Variants in CT55 observed in about 807,000 individuals in gnomAD.
The protein encoded by CT55 is cancer/testis antigen 55.
In CT55, 1 loss-of-function variant was observed where a neutral mutation model predicts 12.6. The observed-to-expected ratio is 0.08, with a 90% CI of 0.03 to 0.38. The LOEUF (loss-of-function observed/expected upper bound fraction) is 0.38. CT55 is among the 10% of genes least tolerant of loss of function. The pLI is 0.99. For missense variants in CT55, 109 were observed against 135.4 expected, an observed-to-expected ratio of 0.80 and a Z score of 0.97; for synonymous variants, 43 against 49.7, an observed-to-expected ratio of 0.87 and a Z score of 0.57.
intron 3 of CT55, 107 bp downstream of exon 3, chrX:135,160,304 T>C (rs1415611451): frequency 3.7e-6 from 3 of 811,372 alleles, no homozygotes; most frequent in East Asian, 7.2e-5. Flanking sequence ...CCTCTAACAC[T>C]GAAGAGCCAT....
At position 135,171,093 on chromosome X, in the gene CT55, G is replaced by C; in HGVS notation, c.79C>G (p.Gln27Glu). The C allele has an allele frequency of 8.3e-7, 1 of 1,211,653 alleles. No individual in the cohort carries two copies. The highest frequency in any genetic ancestry group is 1.1e-6 in the Non-Finnish European group (1 of 895,351). Residue 27 changes from glutamine (Q) to glutamate (E), a missense_variant, in exon 1 of 6, where the codon CAG becomes GAG. Coordinates refer to ENST00000276241, the MANE Select transcript of CT55 (RefSeq NM_001031705.3). ...DPAERQGPQQ[Q>E]GLPQGDTQLT... The stretch of plus-strand genomic sequence containing the variant: ...AGAGGAATACCTTGTGGGAGGCCCT[G>C]CTGCTGTGGGCCCTGTCGCTCTGCA...
At chrX:135,166,047 A>C (rs1219314928) in intron 2 of CT55, among the ~76,000 whole-genome samples, 8 of 101,014 alleles carry the variant, frequency 7.9e-5, no homozygotes, top group African/African-American at 2.8e-4. Context: ...AAAAAAAAAA[A>C]AAAAAAAAAA....
At chrX:135,160,803 A>T (rs2083559297) in intron 2 of CT55, among the ~76,000 whole-genome samples, 1 of 112,002 alleles carries the variant, frequency 8.9e-6, no homozygotes, top group South Asian at 3.7e-4. Flanking sequence ...GTACCATTAG[A>T]TTCCAAGATT....
At chrX:135,170,960 T>C in intron 1 of CT55, 118 bp downstream of exon 1, 2 of 1,093,538 alleles carry the variant, frequency 1.8e-6, no homozygotes, top group Non-Finnish European at 1.2e-6. Context: ...ACGCACAAGA[T>C]GGAGCCACCG....
chrX:135,165,576 C>G (rs1200437825), intron 2 of CT55, among the ~76,000 whole-genome samples: 2 of 110,723 alleles, frequency 1.8e-5, no homozygotes, highest in African/African-American at 6.6e-5. Context: ...TCATAAAGGT[C>G]AGAGCAGAAA....
At position 135,169,756 on chromosome X, in the gene CT55, C is replaced by T. The variant is rs782122552; in HGVS notation, c.117G>A (p.Val39=). The T allele has an allele frequency of 1.1e-5, 13 of 1,197,757 alleles. No individual in the cohort carries two copies. Among genetic ancestry groups the T allele is most frequent in the Non-Finnish European group, 1.5e-5 (13 of 888,517 alleles). ...LPQGDTQLTT[V]QGVVTSFCGD... is the part of the protein sequence containing the mutation. The stretch of plus-strand genomic sequence containing the variant: ...CACAGAAACTTGTGACAACTCCCTG[C>T]ACAGTTGTCAACTGGGTGTCACCTA... The change falls in exon 2 of 6, where the codon GTG becomes GTA. Residue 39 remains valine (V), a synonymous_variant. Transcript: ENST00000276241.
intron 1 of CT55, 111 bp downstream of exon 1, chrX:135,170,967 A>C: frequency 9.1e-7 from 1 of 1,100,131 alleles, no homozygotes; most frequent in East Asian, 3.2e-5. Flanking sequence ...AGATGGAGCC[A>C]CCGTCACGTG....
In CT55 at chrX:135,171,240, G is replaced by C; in HGVS notation, c.-69C>G. On this transcript the variant is annotated 5_prime_UTR_variant, in exon 1 of 6. Transcript: ENST00000276241. ...TGAAGCACGAGGCCTCCTCAGTAAG[G>C]GAAGCCCTCAGGTCACGGCGTCTCC... The C allele has an allele frequency of 8.4e-7, 1 of 1,195,830 alleles. No homozygotes were observed. Among genetic ancestry groups the C allele is most frequent in the South Asian group, 1.9e-5 (1 of 53,887 alleles).
At chrX:135,162,388 A>G (rs1370075397) in intron 2 of CT55, among the ~76,000 whole-genome samples, 3 of 112,630 alleles carry the variant, frequency 2.7e-5, no homozygotes, top group Non-Finnish European at 5.6e-5. Flanking sequence ...TTAAGCAGAT[A>G]GAGGAGGAGG....
chrX:135,165,068 C>T (rs182202595), intron 2 of CT55, among the ~76,000 whole-genome samples: 5 of 112,077 alleles, frequency 4.5e-5, no homozygotes, highest in Admixed American at 9.4e-5. Flanking sequence ...ATCTGCACTC[C>T]GGACCAAATG....
chrX:135,162,392 G>A (rs1556405318), intron 2 of CT55, among the ~76,000 whole-genome samples: 1 of 112,382 alleles, frequency 8.9e-6, no homozygotes, highest in Non-Finnish European at 1.9e-5. Flanking sequence ...GCAGATAGAG[G>A]AGGAGGGGAG....
chrX:135,162,048 C>T (rs1454637591), intron 2 of CT55, among the ~76,000 whole-genome samples: 1 of 112,605 alleles, frequency 8.9e-6, no homozygotes, highest in African/African-American at 3.2e-5. Flanking sequence ...ACCAACACAA[C>T]AGCCGGTACA....
At chrX:135,169,836 A>G in intron 1 of CT55, 58 bp from the exon 2 acceptor site, 4 of 923,373 alleles carry the variant, frequency 4.3e-6, no homozygotes, top group Non-Finnish European at 6.1e-6. Flanking sequence ...ACCTACTACA[A>G]GTAAGTCTTA....
chrX:135,159,207 TTCTCTCTCTCTCTC>T (rs60230637), intron 3 of CT55, among the ~76,000 whole-genome samples: 6 of 100,572 alleles, frequency 6.0e-5, no homozygotes, highest in African/African-American at 1.1e-4. Context: ...GTTAGACCTG[TTCTCTCTCTCTCTC>T]TCTCTCTCTC....
chrX:135,158,421 A>G (rs1240344321), intron 3 of CT55, 110 bp from the exon 4 acceptor site: 4 of 465,707 alleles, frequency 8.6e-6, no homozygotes, highest in Non-Finnish European at 1.1e-5. Flanking sequence ...TGCTAAATCT[A>G]AAGTCCATTT....
At chrX:135,159,953 A>C (rs1309073816) in intron 3 of CT55, among the ~76,000 whole-genome samples, 4 of 109,566 alleles carry the variant, frequency 3.7e-5, no homozygotes, top group African/African-American at 6.7e-5. Flanking sequence ...CACACACACA[A>C]ACAGACAACC....
chrX:135,170,945 C>T (rs1556406698), intron 1 of CT55, 133 bp downstream of exon 1: 2 of 1,053,234 alleles, frequency 1.9e-6, no homozygotes, highest in Non-Finnish European at 2.5e-6. Context: ...GTTGCCTCCC[C>T]ATGCACGCAC....
chrX:135,170,858 C>T (rs1299475790), intron 1 of CT55, among the ~76,000 whole-genome samples: 5 of 112,112 alleles, frequency 4.5e-5, no homozygotes, highest in Non-Finnish European at 9.4e-5. Context: ...TCTCTGTCAA[C>T]ACCTTCCCGC....
In CT55 at chrX:135,171,211, C is replaced by T. The variant is rs782698762; in HGVS notation, c.-40G>A. ...CCACCGGCCTGGGCACCGCTTGTGG[C>T]AGATGAAGCACGAGGCCTCCTCAGT... is the stretch of plus-strand genomic sequence containing the variant. On this transcript the variant is annotated 5_prime_UTR_variant, in exon 1 of 6. Transcript: ENST00000276241. 2 of 1,207,184 alleles carry T rather than the reference C, an allele frequency of 1.7e-6. No individual in the cohort carries two copies. The highest frequency in any genetic ancestry group is 5.9e-5 in the East Asian group (2 of 33,652).
Sources: gnomAD v4.1 joint callset for allele counts (sites outside exome capture counted in the v4.1 genomes callset) on GRCh38, gnomAD v4.1.1 for gene constraint, MANE v1.5 for transcripts, NCBI Gene and HGNC (gene_info 2026-07-23, HGNC 2026-07-21) for gene names.